Variants in IL1RL1 observed in about 807,000 individuals in gnomAD.
The protein encoded by IL1RL1 is interleukin 1 receptor like 1, also known as interleukin-1 receptor-like 1.
In IL1RL1, 32 loss-of-function variants were observed where a neutral mutation model predicts 50.9. The ratio of observed to expected loss-of-function variants is 0.63; its 90% CI spans 0.47 to 0.84. The LOEUF is 0.84. Ranked by LOEUF, IL1RL1 falls within the 40% of genes least tolerant of loss-of-function variation. The probability of loss-of-function intolerance (pLI) is 0.00; values close to 1 mark genes in which losing one functional copy is unlikely to be tolerated. For missense variants in IL1RL1, 773 were observed against 662.9 expected (o/e 1.17, Z -1.82); for synonymous variants, 275 against 236.0 (o/e 1.17, Z -1.51).
At chr2:102,341,180 T>C (rs1677546337) in intron 5 of IL1RL1, 3 of 1,106,794 alleles carry the variant, frequency 2.7e-6, no homozygotes, top group Admixed American at 5.0e-5. Context: ...TTTTTTTTTT[T>C]TTTCTAGTTT....
rs146118394 is a variant in IL1RL1 at position 102,349,133 on chromosome 2, C to T, written c.1172C>T (p.Thr391Ile). Residue 391 changes from threonine to isoleucine, a missense_variant, in exon 10 of 11, where the codon ACA becomes ATA. Coordinates refer to ENST00000233954, the MANE Select transcript of IL1RL1 (RefSeq NM_016232.5). ...TACCCACGGAACTACAAATCCAGTACAGATGGGGCCAGTCGTGTAGAGCAC... is the reference window on the plus strand; with the variant it reads ...TACCCACGGAACTACAAATCCAGTATAGATGGGGCCAGTCGTGTAGAGCAC... ...VVYPRNYKSS[T>I]DGASRVEHFV... 7 of 1,613,162 alleles carry T rather than the reference C, an allele frequency of 4.3e-6. No homozygotes were observed. Among genetic ancestry groups the T allele is most frequent in the African/African-American group, 1.3e-5 (1 of 74,900 alleles).
At chr2:102,340,955 T>A in intron 5 of IL1RL1, 127 bp downstream of exon 5, 1 of 750,258 alleles carries the variant, frequency 1.3e-6, no homozygotes, top group Non-Finnish European at 2.1e-6. Context: ...CTCCATCTTA[T>A]CTTATACATT....
At chr2:102,344,952 T>A in intron 8 of IL1RL1, 3 of 956,972 alleles carry the variant, frequency 3.1e-6, no homozygotes, top group Non-Finnish European at 3.7e-6. Context: ...ATGAAACTGA[T>A]GAATCTTTAT....
intron 1 of IL1RL1, among the ~76,000 whole-genome samples, chr2:102,320,626 C>G (rs934003173): frequency 2.4e-4 from 37 of 152,240 alleles, no homozygotes; most frequent in African/African-American, 7.9e-4. Context: ...ACCTATACCA[C>G]CTGCCATTTC....
chr2:102,318,002 G>C (rs1676727565), intron 1 of IL1RL1, among the ~76,000 whole-genome samples: 1 of 152,170 alleles, frequency 6.6e-6, no homozygotes, highest in African/African-American at 2.4e-5. Context: ...CACGTGTTGT[G>C]TAGTTAAGAT....
chr2:102,329,543 T>G (rs1454363088), intron 1 of IL1RL1, among the ~76,000 whole-genome samples: 1 of 151,986 alleles, frequency 6.6e-6, no homozygotes, highest in Non-Finnish European at 1.5e-5. Flanking sequence ...ACCATCAGAG[T>G]GAACAGGCAA....
At chr2:102,325,302 G>A (rs1016544783) in intron 1 of IL1RL1, among the ~76,000 whole-genome samples, 2 of 152,182 alleles carry the variant, frequency 1.3e-5, no homozygotes, top group Non-Finnish European at 2.9e-5. Flanking sequence ...CTGACAGTTA[G>A]AAGGAAAACT....
chr2:102,340,405 G>A (rs1677506209), intron 4 of IL1RL1, 133 bp downstream of exon 4: 4 of 764,288 alleles, frequency 5.2e-6, no homozygotes, highest in Non-Finnish European at 8.2e-6. Context: ...TTGAGGCCAG[G>A]AGTTTGAGAC....
intron 1 of IL1RL1, chr2:102,337,134 A>T (rs948251214): frequency 6.6e-6 from 1 of 152,336 alleles, no homozygotes; most frequent in Admixed American, 6.5e-5. Flanking sequence ...ATTTGTCAAC[A>T]TCAAGAATTC....
intron 1 of IL1RL1, among the ~76,000 whole-genome samples, chr2:102,317,267 T>C (rs973136619): frequency 6.6e-6 from 1 of 151,916 alleles, no homozygotes; most frequent in Non-Finnish European, 1.5e-5. Flanking sequence ...GGCAGGAGAA[T>C]GGCGTGAACC....
chr2:102,312,022 T>C (rs1573122560), intron 1 of IL1RL1, among the ~76,000 whole-genome samples: 5 of 59,022 alleles, frequency 8.5e-5, no homozygotes, highest in Non-Finnish European at 1.2e-4. Flanking sequence ...TTATATATAA[T>C]ATATATTATA....
chr2:102,323,437 T>C (rs777518085), intron 1 of IL1RL1, among the ~76,000 whole-genome samples: 5 of 152,060 alleles, frequency 3.3e-5, no homozygotes, highest in Non-Finnish European at 7.4e-5. Context: ...GGGTAATTTA[T>C]TAAGAAAAAG....
intron 1 of IL1RL1, among the ~76,000 whole-genome samples, chr2:102,325,187 T>G (rs1243657867): frequency 6.6e-5 from 10 of 152,180 alleles, no homozygotes; most frequent in Non-Finnish European, 1.5e-5. Context: ...CAACATTTGC[T>G]GTTCACCAAT....
At chr2:102,342,922 G>A (rs1677626389) in intron 6 of IL1RL1, 114 bp from the exon 7 acceptor site, 2 of 937,158 alleles carry the variant, frequency 2.1e-6, no homozygotes, top group Non-Finnish European at 3.3e-6. Flanking sequence ...AGGGAGGGAG[G>A]TCCTGGTGGG....
In IL1RL1 at chr2:102,351,774, G is replaced by T; in HGVS notation, c.1524G>T (p.Gly508=). The T allele has an allele frequency of 6.2e-7, 1 of 1,614,106 alleles. No individual in the cohort carries two copies. The change falls in exon 11 of 11, where the codon GGG becomes GGT. Residue 508 remains glycine (G), a synonymous_variant. Coordinates refer to ENST00000233954, the MANE Select transcript of IL1RL1 (RefSeq NM_016232.5). ...TCCAGCATCTTATGAAAGTACAGGG[G>T]ACCATCAAGTGGAGGGAGGACCACA... ...DSLQHLMKVQ[G]TIKWREDHIA...
chr2:102,340,887 G>T (rs1176803041), intron 5 of IL1RL1, 59 bp downstream of exon 5: 11 of 1,380,032 alleles, frequency 8.0e-6, no homozygotes, highest in Non-Finnish European at 6.8e-6. Flanking sequence ...AGTGGGAACA[G>T]CGGTGCCCTT....
chr2:102,329,316 T>TA (rs1248434070), intron 1 of IL1RL1, among the ~76,000 whole-genome samples: 1 of 152,178 alleles, frequency 6.6e-6, no homozygotes, highest in Non-Finnish European at 1.5e-5. Context: ...ATCCCTTCCT[T>TA]ACACCTTATA....
intron 1 of IL1RL1, among the ~76,000 whole-genome samples, chr2:102,329,161 A>G (rs180685777): frequency 6.6e-6 from 1 of 152,248 alleles, no homozygotes; most frequent in Non-Finnish European, 1.5e-5. Flanking sequence ...ATGGAACAGA[A>G]CAGAGCCCTC....
At chr2:102,312,887 T>C (rs1378610283) in intron 1 of IL1RL1, 1 of 152,116 alleles carries the variant, frequency 6.6e-6, no homozygotes, top group Non-Finnish European at 1.5e-5. Flanking sequence ...TGAATGTCAG[T>C]TTTTCCTTTA....
Sources: gnomAD v4.1 joint callset for allele counts (sites outside exome capture counted in the v4.1 genomes callset) on GRCh38, gnomAD v4.1.1 for gene constraint, MANE v1.5 for transcripts, NCBI Gene and HGNC (gene_info 2026-07-23, HGNC 2026-07-21) for gene names.